C3orf20: variants seen among roughly 807,000 people sequenced by gnomAD.
The protein encoded by C3orf20 is uncharacterized protein C3orf20.
In C3orf20, 76 loss-of-function variants were observed where a neutral mutation model predicts 88.3. The observed-to-expected ratio is 0.86, with a 90% CI of 0.72 to 1.04. C3orf20 has a LOEUF of 1.04. C3orf20 is among the 50% of genes least tolerant of loss of function. C3orf20 has a pLI of 0.00. For synonymous variants in C3orf20, 436 were observed against 437.4 expected, an observed-to-expected ratio of 1.00 and a Z score of 0.04; for missense variants, 1,056 against 1,123.3, an observed-to-expected ratio of 0.94 and a Z score of 0.86.
intron 12 of C3orf20, among the ~76,000 whole-genome samples, chr3:14,734,654 A>G (rs1293172961): frequency 6.6e-6 from 1 of 152,124 alleles, no homozygotes; most frequent in Non-Finnish European, 1.5e-5. Context: ...AAAATGATGC[A>G]TATTCTGCAG....
chr3:14,714,390 C>T (rs1335251087), intron 8 of C3orf20, among the ~76,000 whole-genome samples: 1 of 152,130 alleles, frequency 6.6e-6, no homozygotes, highest in Admixed American at 6.5e-5. Context: ...GACACCTTCC[C>T]AAGTCCTACT....
intron 7 of C3orf20, among the ~76,000 whole-genome samples, chr3:14,705,759 A>C (rs1286923817): frequency 1.3e-5 from 2 of 152,190 alleles, no homozygotes; most frequent in African/African-American, 4.8e-5. Flanking sequence ...CTAGAGTTAC[A>C]TAAAATGTCA....
chr3:14,703,727 C>G (rs906319817), intron 6 of C3orf20, among the ~76,000 whole-genome samples: 1 of 152,166 alleles, frequency 6.6e-6, no homozygotes, highest in Non-Finnish European at 1.5e-5. Context: ...ACTTAATTTG[C>G]TAGATGTTCT....
intron 12 of C3orf20, among the ~76,000 whole-genome samples, chr3:14,732,480 A>G (rs1234755875): frequency 6.6e-6 from 1 of 152,226 alleles, no homozygotes; most frequent in African/African-American, 2.4e-5. Flanking sequence ...ATTTGGATGA[A>G]GTCTAATTGA....
intron 5 of C3orf20, among the ~76,000 whole-genome samples, chr3:14,702,160 G>T (rs1011599046): frequency 1.3e-5 from 2 of 152,260 alleles, no homozygotes; most frequent in African/African-American, 4.8e-5. Flanking sequence ...CAGAATCATG[G>T]CAGGAGGCGA....
At position 14,768,021 on chromosome 3, in the gene C3orf20, A is replaced by T. The variant is rs1211162132; in HGVS notation, c.2496-4046A>T. Reference sequence around the variant, plus strand: ...AAGACAGAGCGCTACAGAAACACCAATGTGAGCCTCAAGAGGCTTTGTATC... The same window carrying T: ...AAGACAGAGCGCTACAGAAACACCATTGTGAGCCTCAAGAGGCTTTGTATC... On this transcript the variant is annotated intron_variant, in intron 15 of 16. Transcript: ENST00000253697. The surrounding 1 kb of genome is among the most constrained non-coding windows in gnomAD (Gnocchi z 4.1). 1.3e-5 allele frequency among the ~76,000 whole-genome samples: 2 copies of T among 152,222 alleles called. No individual in the cohort carries two copies. The highest frequency in any genetic ancestry group is 4.8e-5 in the African/African-American group (2 of 41,458).
chr3:14,685,670 C>T (rs527338313), intron 4 of C3orf20, among the ~76,000 whole-genome samples: 6 of 152,128 alleles, frequency 3.9e-5, no homozygotes, highest in Non-Finnish European at 8.8e-5. Context: ...CCCACTCCCC[C>T]GCTGCCACCC....
rs1446571343 is a variant in C3orf20 at position 14,698,510 on chromosome 3, G to A, written c.746-4620G>A. Among the ~76,000 whole-genome samples the A allele has an allele frequency of 4.6e-5, 7 of 152,224 alleles. 1 individual carries two copies. Among genetic ancestry groups the A allele is most frequent in the Admixed American group, 2.0e-4 (3 of 15,284 alleles). Reference sequence around the variant, plus strand: ...GGGCACCCCAAGCCCAGAATGTTGCGGTTCTTGCAGACTCAGAGAGGTACT... The same window carrying A: ...GGGCACCCCAAGCCCAGAATGTTGCAGTTCTTGCAGACTCAGAGAGGTACT... On this transcript the variant is annotated intron_variant, in intron 5 of 16. Transcript: ENST00000253697.
intron 12 of C3orf20, among the ~76,000 whole-genome samples, chr3:14,743,983 C>T (rs2034989504): frequency 2.0e-5 from 3 of 152,010 alleles, no homozygotes; most frequent in African/African-American, 7.3e-5. Flanking sequence ...GGCCTGGAGA[C>T]ATTTTTCCCA....
rs142174793 is a variant in C3orf20, at chr3:14,748,926, G to A, written c.1941-8445G>A. 1.8e-4 allele frequency among the ~76,000 whole-genome samples: 28 copies of A among 152,166 alleles called. No individual in the cohort carries two copies. In the East Asian group the frequency reaches 2.3e-3, roughly 13 times the overall value. ...CAATAGAGAAGAATGTGTGTTTTGC[G>A]GTGCTTGGATCAAATGTTCTATATG... On this transcript the variant is annotated intron_variant, in intron 12 of 16. Coordinates refer to ENST00000253697, the MANE Select transcript of C3orf20 (RefSeq NM_032137.5).
intron 15 of C3orf20, among the ~76,000 whole-genome samples, chr3:14,762,855 T>C (rs2035599886): frequency 6.6e-6 from 1 of 152,158 alleles, no homozygotes; most frequent in African/African-American, 2.4e-5. Flanking sequence ...GTCTGGGCCT[T>C]GTCCGAGTGG....
intron 9 of C3orf20, among the ~76,000 whole-genome samples, chr3:14,719,886 C>T (rs2034085225): frequency 6.6e-6 from 1 of 152,196 alleles, no homozygotes. Context: ...AATTGCCCAA[C>T]TGGTAAATGG....
intron 12 of C3orf20, among the ~76,000 whole-genome samples, chr3:14,741,529 T>C (rs2034897638): frequency 6.6e-6 from 1 of 152,258 alleles, no homozygotes; most frequent in Non-Finnish European, 1.5e-5. Flanking sequence ...ATATACACTG[T>C]GTTGAACTTT....
intron 7 of C3orf20, among the ~76,000 whole-genome samples, chr3:14,708,594 A>G (rs1211483654): frequency 7.9e-5 from 12 of 151,912 alleles, no homozygotes; most frequent in Admixed American, 7.9e-4. Context: ...CATTGCATTG[A>G]TTCTGTAGAT....
At chr3:14,763,619 T>C (rs1387123286) in intron 15 of C3orf20, among the ~76,000 whole-genome samples, 2 of 152,204 alleles carry the variant, frequency 1.3e-5, no homozygotes, top group Admixed American at 6.5e-5. Context: ...TATTTGGCTC[T>C]AGATGTCCTC....
intron 5 of C3orf20, among the ~76,000 whole-genome samples, chr3:14,693,310 G>A (rs2032824432): frequency 6.6e-6 from 1 of 152,102 alleles, no homozygotes; most frequent in African/African-American, 2.4e-5. Flanking sequence ...GATTGCTTTG[G>A]GTAGTACAGA....
intron 5 of C3orf20, among the ~76,000 whole-genome samples, chr3:14,695,681 G>A (rs997250496): frequency 4.6e-5 from 7 of 151,640 alleles, no homozygotes; most frequent in Non-Finnish European, 1.5e-5. Context: ...TCCAGTGTTG[G>A]GTATATATAT....
intron 9 of C3orf20, among the ~76,000 whole-genome samples, chr3:14,719,544 C>T (rs2034071101): frequency 6.6e-6 from 1 of 152,138 alleles, no homozygotes; most frequent in Admixed American, 6.5e-5. Context: ...TTATTTGGTT[C>T]AGTGGCCATA....
rs145413961 is a variant in C3orf20 at position 14,743,042 on chromosome 3, C to G, written c.1941-14329C>G. On this transcript the variant is annotated intron_variant, in intron 12 of 16. Coordinates refer to ENST00000253697, the MANE Select transcript of C3orf20 (RefSeq NM_032137.5). ...GGCCCCCCTAAATCTCATGTCCTCACATTTCAAAATTAATCATGCCTTCCC... is the reference window on the plus strand; with the variant it reads ...GGCCCCCCTAAATCTCATGTCCTCAGATTTCAAAATTAATCATGCCTTCCC... Among the ~76,000 whole-genome samples, 146 of 152,010 alleles carry G rather than the reference C, an allele frequency of 9.6e-4. 2 individuals are homozygous for G. Among genetic ancestry groups the G allele is most frequent in the African/African-American group, 3.2e-3 (133 of 41,320 alleles).
Sources: gnomAD v4.1 joint callset for allele counts (sites outside exome capture counted in the v4.1 genomes callset) on GRCh38, gnomAD v4.1.1 for gene constraint, Gnocchi (gnomAD v3.1) non-coding constraint, MANE v1.5 for transcripts, NCBI Gene and HGNC (gene_info 2026-07-23, HGNC 2026-07-21) for gene names.